The following ITGBL1 variants were observed in gnomAD, a reference collection of about 807,000 sequenced individuals.
The protein encoded by ITGBL1 is integrin subunit beta like 1.
Under a neutral mutation model 68.5 loss-of-function variants are expected in ITGBL1, and 51 were observed. The observed-to-expected ratio is 0.74, with a 90% CI of 0.59 to 0.94. The LOEUF (loss-of-function observed/expected upper bound fraction) is 0.94. Among genes scored for constraint, ITGBL1 ranks in the 40% least tolerant of loss-of-function variants. The pLI is 0.00. For missense variants in ITGBL1, 649 were observed against 647.4 expected (o/e 1.00, Z -0.03); for synonymous variants, 209 against 227.3 (o/e 0.92, Z 0.72).
intron 4 of ITGBL1, among the ~76,000 whole-genome samples, chr13:101,576,945 T>C (rs1428301013): frequency 1.2e-5 from 1 of 85,050 alleles, no homozygotes; most frequent in Non-Finnish European, 2.9e-5. Flanking sequence ...TTCCAATTAT[T>C]ATAGATGGAA....
chr13:101,627,480 T>C (rs1415727737), intron 7 of ITGBL1, among the ~76,000 whole-genome samples: 1 of 152,114 alleles, frequency 6.6e-6, no homozygotes, highest in Admixed American at 6.5e-5. Context: ...AAGTAATTAT[T>C]ATAATTTACC....
chr13:101,514,778 T>C (rs534011201), intron 2 of ITGBL1, among the ~76,000 whole-genome samples: 4 of 152,176 alleles, frequency 2.6e-5, no homozygotes, highest in Admixed American at 1.3e-4. Context: ...GGAATACACA[T>C]GGGTGTGGTA....
intron 7 of ITGBL1, among the ~76,000 whole-genome samples, chr13:101,652,187 G>A (rs2032775350): frequency 6.6e-6 from 1 of 152,106 alleles, no homozygotes; most frequent in African/African-American, 2.4e-5. Context: ...TGTCGCCCAG[G>A]CTAGAGTGCA....
intron 6 of ITGBL1, among the ~76,000 whole-genome samples, chr13:101,586,094 T>C (rs2050552460): frequency 6.6e-6 from 1 of 152,182 alleles, no homozygotes; most frequent in Non-Finnish European, 1.5e-5. Context: ...GCGTGTCATT[T>C]AGTCTTGGAG....
chr13:101,719,548 C>A (rs539027738), downstream of ITGBL1: 1 of 152,082 alleles, frequency 6.6e-6, no homozygotes, highest in South Asian at 2.1e-4. Context: ...AAAGTGGTAG[C>A]AAAATGTTTT....
chr13:101,719,567 A>ATCT (rs1440384520), downstream of ITGBL1: 2 of 152,098 alleles, frequency 1.3e-5, no homozygotes, highest in African/African-American at 4.8e-5. Flanking sequence ...TTAAAAAGCA[A>ATCT]TCTTATATTA....
intron 7 of ITGBL1, among the ~76,000 whole-genome samples, chr13:101,662,151 T>G (rs1471850335): frequency 6.6e-6 from 1 of 152,220 alleles, no homozygotes; most frequent in Non-Finnish European, 1.5e-5. Flanking sequence ...CTGTTTGGAC[T>G]GATTGAATAG....
At chr13:101,543,610 G>A (rs1274409927) in intron 2 of ITGBL1, among the ~76,000 whole-genome samples, 1 of 152,136 alleles carries the variant, frequency 6.6e-6, no homozygotes, top group Non-Finnish European at 1.5e-5. Flanking sequence ...GGCCTGCCTG[G>A]CTAGATTGGG....
chr13:101,687,859 T>G (rs1295088528), intron 7 of ITGBL1, among the ~76,000 whole-genome samples: 1 of 152,142 alleles, frequency 6.6e-6, no homozygotes, highest in African/African-American at 2.4e-5. Context: ...TCTTGCAAAT[T>G]ACTTGCTTTA....
intron 2 of ITGBL1, among the ~76,000 whole-genome samples, chr13:101,496,623 T>C (rs1347864388): frequency 6.6e-6 from 1 of 152,176 alleles, no homozygotes; most frequent in East Asian, 1.9e-4. Context: ...TCAATGGCCT[T>C]TGACTTTCCC....
intron 7 of ITGBL1, among the ~76,000 whole-genome samples, chr13:101,647,733 A>G (rs1388492536): frequency 2.0e-5 from 3 of 152,152 alleles, no homozygotes; most frequent in African/African-American, 7.2e-5. Flanking sequence ...GAAGGTTGAG[A>G]CTTTTAAAGC....
chr13:101,507,904 G>C (rs935562819), intron 2 of ITGBL1, among the ~76,000 whole-genome samples: 2 of 152,112 alleles, frequency 1.3e-5, no homozygotes, highest in Non-Finnish European at 2.9e-5. Context: ...GGGAGTATGG[G>C]AATGTAGTTT....
intron 3 of ITGBL1, among the ~76,000 whole-genome samples, chr13:101,570,376 G>A (rs2050253038): frequency 6.6e-6 from 1 of 151,940 alleles, no homozygotes; most frequent in African/African-American, 2.4e-5. Flanking sequence ...GGTCATATTG[G>A]ACCTGCTTCA....
intron 2 of ITGBL1, among the ~76,000 whole-genome samples, chr13:101,555,556 A>T (rs1201266083): frequency 1.3e-5 from 2 of 152,132 alleles, no homozygotes; most frequent in Non-Finnish European, 2.9e-5. Flanking sequence ...TATAATATGG[A>T]TATGGGAAGG....
At chr13:101,702,975 A>C (rs1360081549) in intron 8 of ITGBL1, among the ~76,000 whole-genome samples, 2 of 152,198 alleles carry the variant, frequency 1.3e-5, no homozygotes, top group African/African-American at 4.8e-5. Flanking sequence ...GGTAAAAATG[A>C]GAAAGATGTT....
intron 2 of ITGBL1, among the ~76,000 whole-genome samples, chr13:101,475,097 G>A (rs2048516597): frequency 6.6e-6 from 1 of 152,084 alleles, no homozygotes; most frequent in African/African-American, 2.4e-5. Flanking sequence ...AACTGAATAA[G>A]GCACCAGGGA....
chr13:101,530,540 G>C (rs960060824), intron 2 of ITGBL1, among the ~76,000 whole-genome samples: 5 of 152,082 alleles, frequency 3.3e-5, no homozygotes, highest in African/African-American at 1.2e-4. Context: ...TTGGTGGAAG[G>C]CTTCCAAAAC....
chr13:101,518,656 C>T (rs1363299751), intron 2 of ITGBL1, among the ~76,000 whole-genome samples: 2 of 152,088 alleles, frequency 1.3e-5, no homozygotes, highest in Non-Finnish European at 2.9e-5. Context: ...ACAGGGATCC[C>T]CCAGGTATGT....
chr13:101,549,352 A>G (rs957812454), intron 2 of ITGBL1, among the ~76,000 whole-genome samples: 7 of 151,970 alleles, frequency 4.6e-5, no homozygotes, highest in African/African-American at 1.7e-4. Flanking sequence ...GCATAAGAGA[A>G]TTTGATCATA....
Sources: allele counts gnomAD v4.1 joint callset (sites outside exome capture counted in the v4.1 genomes callset), GRCh38; gene constraint gnomAD v4.1.1; transcripts MANE v1.5; gene names NCBI Gene and HGNC (gene_info 2026-07-23, HGNC 2026-07-21).